The following SYT14 variants were observed in gnomAD, a reference collection of about 807,000 sequenced individuals.
SYT14 encodes the protein synaptotagmin-14.
SYT14 carries 32 observed loss-of-function variants against 74.2 expected under a neutral mutation model. The ratio of observed to expected loss-of-function variants is 0.43; its 90% CI spans 0.33 to 0.58. The LOEUF is 0.58. SYT14 is among the 20% of genes least tolerant of loss of function. The pLI is 0.05. For synonymous variants in SYT14, 298 were observed against 337.7 expected (o/e 0.88, Z 1.29); for missense variants, 791 against 981.8 (o/e 0.81, Z 2.60).
chr1:210,109,184 C>T (rs1004686068), intron 7 of SYT14, among the ~76,000 whole-genome samples: 1 of 151,966 alleles, frequency 6.6e-6, no homozygotes, highest in Non-Finnish European at 1.5e-5. Context: ...ACGTGGCCAA[C>T]AAACGTATGA....
At chr1:210,161,547 C>T in exon 10 of SYT14, 1 of 453,984 alleles carries the variant, frequency 2.2e-6, no homozygotes, top group South Asian at 1.6e-5. Context: ...GGGTTTCAGT[C>T]ACATTGAAAA....
At chr1:209,948,876 A>G (rs948985882) in intron 1 of SYT14, among the ~76,000 whole-genome samples, 1 of 152,178 alleles carries the variant, frequency 6.6e-6, no homozygotes, top group African/African-American at 2.4e-5. Flanking sequence ...AATTGTATTT[A>G]TACAGGAGTT....
At chr1:210,121,601 T>A (rs1016398120) in intron 7 of SYT14, among the ~76,000 whole-genome samples, 9 of 152,064 alleles carry the variant, frequency 5.9e-5, no homozygotes, top group East Asian at 1.9e-4. Flanking sequence ...GAGACCATCC[T>A]GGCTAACATG....
At chr1:210,000,886 G>A (rs1262727288) in intron 2 of SYT14, among the ~76,000 whole-genome samples, 1 of 151,940 alleles carries the variant, frequency 6.6e-6, no homozygotes, top group African/African-American at 2.4e-5. Context: ...GTGCTGGGAT[G>A]CCTTCTTTTT....
chr1:210,068,090 C>CT (rs1317086439), intron 5 of SYT14, among the ~76,000 whole-genome samples: 1 of 151,806 alleles, frequency 6.6e-6, no homozygotes, highest in African/African-American at 2.4e-5. Flanking sequence ...GAAGATACCT[C>CT]TTATTGAATT....
At chr1:210,073,379 T>G (rs1185511033) in intron 5 of SYT14, among the ~76,000 whole-genome samples, 2 of 152,078 alleles carry the variant, frequency 1.3e-5, no homozygotes, top group Non-Finnish European at 2.9e-5. Flanking sequence ...AACTGCTTCA[T>G]AATCCTAAAT....
intron 7 of SYT14, among the ~76,000 whole-genome samples, chr1:210,126,558 A>T (rs935543867): frequency 6.6e-6 from 1 of 152,170 alleles, no homozygotes; most frequent in Non-Finnish European, 1.5e-5. Context: ...AAGTATGAAC[A>T]TGTTTTTATT....
chr1:209,980,786 A>G (rs148466670), intron 2 of SYT14, among the ~76,000 whole-genome samples: 150 of 152,012 alleles, frequency 9.9e-4, no homozygotes, highest in Admixed American at 3.3e-3. Flanking sequence ...CTGGGTTTCT[A>G]TTCTGTTCCA....
At chr1:210,010,802 G>T (rs2080072983) in intron 2 of SYT14, among the ~76,000 whole-genome samples, 1 of 152,094 alleles carries the variant, frequency 6.6e-6, no homozygotes. Context: ...ACAGACACTG[G>T]GGCCAGACAG....
chr1:209,975,533 C>G (rs2079345073), intron 2 of SYT14, among the ~76,000 whole-genome samples: 1 of 152,196 alleles, frequency 6.6e-6, no homozygotes, highest in Admixed American at 6.5e-5. Flanking sequence ...GTTGAACCAG[C>G]CTTGCATCCA....
At chr1:210,096,096 A>G (rs1227009578) in intron 6 of SYT14, among the ~76,000 whole-genome samples, 1 of 152,214 alleles carries the variant, frequency 6.6e-6, no homozygotes, top group East Asian at 1.9e-4. Flanking sequence ...TTAGGAAGTT[A>G]TTATTTCCAT....
At position 210,005,611 on chromosome 1, in the gene SYT14, G is replaced by A. The variant is rs1265111699; in HGVS notation, c.-485-8022G>A. Among the ~76,000 whole-genome samples the A allele has an allele frequency of 4.6e-5, 7 of 152,002 alleles. No homozygotes were observed. The South Asian group carries it at 8.3e-4, about 18-fold the overall frequency. On this transcript the variant is annotated intron_variant, in intron 2 of 9. Transcript: ENST00000637265. ...GTAATGAAAAAAATTGAGACAATTCGTTGTTCAAAAGAATGACTATGCTTT... is the reference window on the plus strand; with the variant it reads ...GTAATGAAAAAAATTGAGACAATTCATTGTTCAAAAGAATGACTATGCTTT...
At chr1:210,059,406 A>G (rs576663277) in intron 5 of SYT14, among the ~76,000 whole-genome samples, 24 of 144,982 alleles carry the variant, frequency 1.7e-4, no homozygotes, top group Admixed American at 1.3e-3. Context: ...ATATACCTGT[A>G]TATGCATGAT....
exon 10 of SYT14, chr1:210,171,263 T>C (rs2083523289): frequency 6.6e-6 from 1 of 152,200 alleles, no homozygotes; most frequent in Non-Finnish European, 1.5e-5. Flanking sequence ...AAAAAGAATT[T>C]AAACGTTTGG....
chr1:210,146,681 C>A (rs1350993878), intron 7 of SYT14, among the ~76,000 whole-genome samples: 1 of 151,158 alleles, frequency 6.6e-6, no homozygotes, highest in Non-Finnish European at 1.5e-5. Flanking sequence ...TACATATATA[C>A]TATATGTAGT....
At chr1:210,084,084 A>T (rs2102489920) in intron 5 of SYT14, among the ~76,000 whole-genome samples, 1 of 152,292 alleles carries the variant, frequency 6.6e-6, no homozygotes, top group East Asian at 1.9e-4. Context: ...TTTTAGCGCC[A>T]TTACTTACAA....
chr1:209,955,504 C>G (rs1376210802), intron 2 of SYT14, among the ~76,000 whole-genome samples: 1 of 151,874 alleles, frequency 6.6e-6, no homozygotes, highest in Non-Finnish European at 1.5e-5. Flanking sequence ...TTTTTTCATC[C>G]TGCTGCTGTC....
At chr1:210,088,569 A>T (rs1413354411) in intron 5 of SYT14, among the ~76,000 whole-genome samples, 2 of 152,122 alleles carry the variant, frequency 1.3e-5, no homozygotes, top group Non-Finnish European at 2.9e-5. Flanking sequence ...ACAATAGCAA[A>T]GACTTGGAAC....
intron 7 of SYT14, among the ~76,000 whole-genome samples, chr1:210,130,054 ATC>A (rs990341655): frequency 2.3e-4 from 35 of 152,352 alleles, no homozygotes; most frequent in Admixed American, 1.1e-3. Flanking sequence ...GTTCTGAAAT[ATC>A]TGTCGGGTCT....
Sources: allele counts gnomAD v4.1 joint callset (sites outside exome capture counted in the v4.1 genomes callset), GRCh38; gene constraint gnomAD v4.1.1; transcripts MANE v1.5; gene names NCBI Gene and HGNC (gene_info 2026-07-23, HGNC 2026-07-21).